The following CLIC5 variants were observed in gnomAD, a reference collection of about 807,000 sequenced individuals.
CLIC5 encodes the protein CLIC family member 5.
Under a neutral mutation model 24.7 loss-of-function variants are expected in CLIC5, and 20 were observed. The observed-to-expected ratio is 0.81, with a 90% confidence interval of 0.57 to 1.18. The LOEUF is 1.18. CLIC5 is among the 50% of genes most tolerant of loss of function. CLIC5 has a pLI of 0.00. For missense variants in CLIC5, 341 were observed against 326.1 expected, an observed-to-expected ratio of 1.05 and a Z score of -0.35; for synonymous variants, 159 against 135.6, an observed-to-expected ratio of 1.17 and a Z score of -1.20.
At chr6:46,126,110 A>G in the CLIC5 span, among the ~76,000 whole-genome samples, 1 of 151,894 alleles carries the variant, frequency 6.6e-6, no homozygotes, top group Non-Finnish European at 1.5e-5. Flanking sequence ...ATTTGGGACA[A>G]ACCAAGATAG....
At chr6:46,015,870 G>A, upstream of CLIC5, 1 of 1,067,426 alleles carries the variant, frequency 9.4e-7, no homozygotes, top group Non-Finnish European at 1.1e-6. Context: ...CGATCCCGCC[G>A]CCGCCAACGC....
At chr6:45,985,216 G>T (rs1561984211) in intron 1 of CLIC5, among the ~76,000 whole-genome samples, 1 of 152,220 alleles carries the variant, frequency 6.6e-6, no homozygotes, top group East Asian at 1.9e-4. Flanking sequence ...GTTGTTCAGT[G>T]TGGTTGTCAC....
intron 1 of CLIC5, among the ~76,000 whole-genome samples, chr6:46,059,578 AG>A (rs1255089678): frequency 1.3e-5 from 2 of 152,194 alleles, no homozygotes; most frequent in African/African-American, 4.8e-5. Flanking sequence ...CCACATGCCA[AG>A]ACACATGCCA....
chr6:46,003,706 A>T (rs556173098), intron 1 of CLIC5, among the ~76,000 whole-genome samples: 2 of 152,302 alleles, frequency 1.3e-5, no homozygotes, highest in South Asian at 4.1e-4. Flanking sequence ...TCCCTTAACC[A>T]GACTGGGCAC....
At chr6:46,012,782 T>C (rs1325978788) in intron 1 of CLIC5, among the ~76,000 whole-genome samples, 3 of 152,226 alleles carry the variant, frequency 2.0e-5, no homozygotes, top group Non-Finnish European at 4.4e-5. Flanking sequence ...CCCTGGGCTG[T>C]TACAAGAAGA....
chr6:46,115,193 C>T, the CLIC5 span, among the ~76,000 whole-genome samples: 4 of 152,124 alleles, frequency 2.6e-5, no homozygotes, highest in South Asian at 4.1e-4. Flanking sequence ...TATTTATGGG[C>T]AGTCAGCAAT....
At chr6:45,956,759 C>T (rs918214170) in intron 1 of CLIC5, among the ~76,000 whole-genome samples, 1 of 152,108 alleles carries the variant, frequency 6.6e-6, no homozygotes, top group African/African-American at 2.4e-5. Flanking sequence ...CACCAAAAGC[C>T]CCACTCCCTA....
At chr6:46,080,107 A>C in exon 1 of CLIC5, 8 of 1,551,704 alleles carry the variant, frequency 5.2e-6, no homozygotes, top group Non-Finnish European at 7.0e-6. Flanking sequence ...GTGGCATATA[A>C]ATCATTTTCT....
At chr6:46,078,131 G>A (rs528561736) in intron 1 of CLIC5, among the ~76,000 whole-genome samples, 7 of 152,238 alleles carry the variant, frequency 4.6e-5, no homozygotes, top group South Asian at 2.1e-4. Flanking sequence ...AGGTTGAGGC[G>A]GGTGGATCAC....
intron 1 of CLIC5, among the ~76,000 whole-genome samples, chr6:45,975,054 C>T (rs1257424244): frequency 1.3e-5 from 2 of 152,138 alleles, no homozygotes; most frequent in East Asian, 1.9e-4. Flanking sequence ...TCACAGTCAT[C>T]TTGTATTTTT....
chr6:45,888,654 T>G (rs958135771), intron 6 of CLIC5, among the ~76,000 whole-genome samples: 10 of 152,224 alleles, frequency 6.6e-5, no homozygotes, highest in Admixed American at 5.9e-4. Context: ...TTCAAAGTAG[T>G]TATGTAGTAC....
At chr6:46,116,449 C>T in the CLIC5 span, among the ~76,000 whole-genome samples, 6 of 152,152 alleles carry the variant, frequency 3.9e-5, no homozygotes, top group Non-Finnish European at 7.3e-5. Flanking sequence ...GCCAATGTCT[C>T]GAGCTATTTG....
At chr6:46,045,249 A>G (rs1767922696) in intron 1 of CLIC5, among the ~76,000 whole-genome samples, 1 of 152,170 alleles carries the variant, frequency 6.6e-6, no homozygotes, top group South Asian at 2.1e-4. Flanking sequence ...ACTTGATCCA[A>G]CATACCGCAT....
intron 1 of CLIC5, among the ~76,000 whole-genome samples, chr6:46,057,249 A>G (rs955365441): frequency 1.3e-5 from 2 of 152,216 alleles, no homozygotes; most frequent in African/African-American, 2.4e-5. Context: ...AGGTAATTCA[A>G]TCATGAGGAC....
At chr6:46,127,775 T>A in the CLIC5 span, among the ~76,000 whole-genome samples, 1 of 152,156 alleles carries the variant, frequency 6.6e-6, no homozygotes, top group East Asian at 1.9e-4. Flanking sequence ...TGGCTTAGAT[T>A]TGGATATGTG....
At chr6:45,912,462 T>C (rs1453404827) in intron 5 of CLIC5, 1 of 1,235,152 alleles carries the variant, frequency 8.1e-7, no homozygotes, top group Non-Finnish European at 1.0e-6. Context: ...CAACAAATGG[T>C]TTTTGAGTGG....
chr6:45,893,522 C>T (rs117293447), downstream of CLIC5, among the ~76,000 whole-genome samples: 21 of 152,240 alleles, frequency 1.4e-4, no homozygotes, highest in East Asian at 3.9e-3. Context: ...CTTCACTTTC[C>T]TATATCACAC....
At chr6:46,082,538 G>A (rs1014610981), upstream of CLIC5, among the ~76,000 whole-genome samples, 8 of 152,180 alleles carry the variant, frequency 5.3e-5, no homozygotes, top group Non-Finnish European at 5.9e-5. Context: ...ACCCCTTGCC[G>A]ACCCAGCTCC....
At chr6:45,973,569 TA>T (rs1202680240) in intron 1 of CLIC5, among the ~76,000 whole-genome samples, 8 of 152,254 alleles carry the variant, frequency 5.3e-5, no homozygotes, top group Non-Finnish European at 8.8e-5. Flanking sequence ...ACCCTGTAGA[TA>T]TATATTCCTT....
Sources: gnomAD v4.1 joint callset for allele counts (sites outside exome capture counted in the v4.1 genomes callset) on GRCh38, gnomAD v4.1.1 for gene constraint, MANE v1.5 for transcripts, NCBI Gene and HGNC (gene_info 2026-07-23, HGNC 2026-07-21) for gene names.